Variants in RSPH9 observed in about 807,000 individuals in gnomAD.
RSPH9 encodes radial spoke head component 9.
In RSPH9, 27 loss-of-function variants were observed where a neutral mutation model predicts 27.0. That is an observed-to-expected ratio of 1.00 (90% CI 0.74 to 1.38). The LOEUF (loss-of-function observed/expected upper bound fraction) is 1.38. Ranked by LOEUF, RSPH9 falls within the 40% of genes most tolerant of loss-of-function variation. RSPH9 has a pLI of 0.00. For missense variants in RSPH9, 347 were observed against 357.4 expected (o/e 0.97, Z 0.24); for synonymous variants, 145 against 147.7 (o/e 0.98, Z 0.13).
intron 3 of RSPH9, among the ~76,000 whole-genome samples, chr6:43,656,338 G>T (rs192736422): frequency 4.6e-5 from 7 of 152,094 alleles, no homozygotes; most frequent in Non-Finnish European, 8.8e-5. Flanking sequence ...TGCCTGCCTC[G>T]GCTTCCCAAA....
At chr6:43,656,477 G>T (rs1582386738) in intron 3 of RSPH9, 100 bp from the exon 4 acceptor site, 1 of 1,335,356 alleles carries the variant, frequency 7.5e-7, no homozygotes, top group East Asian at 2.3e-5. Flanking sequence ...TGGTTGACAG[G>T]GTCTTTTGTA....
In RSPH9 at chr6:43,670,735, CAGAG is replaced by C. The variant is rs1297744297; in HGVS notation, c.671-53_671-50del. 13 of 1,539,936 alleles carry C rather than the reference CAGAG, an allele frequency of 8.4e-6. No homozygotes were observed. The East Asian group carries it at 2.9e-4, about 35-fold the overall frequency. On this transcript the variant is annotated intron_variant, in intron 4 of 4. Coordinates refer to ENST00000372163, the MANE Select transcript of RSPH9 (RefSeq NM_152732.5). ...GAGCCAGGGGCCACAGCATGAAGGG[CAGAG>C]CTGTGGCTCCAGCAGCACCAGGCCT...
intron 4 of RSPH9, among the ~76,000 whole-genome samples, chr6:43,661,101 T>C (rs1772563640): frequency 6.6e-6 from 1 of 152,264 alleles, no homozygotes; most frequent in Non-Finnish European, 1.5e-5. Context: ...TCCTTTTCTC[T>C]GAGCAGTAGG....
At chr6:43,670,637 G>A (rs1773619864) in intron 4 of RSPH9, 152 bp from the exon 5 acceptor site, 1 of 637,454 alleles carries the variant, frequency 1.6e-6, no homozygotes, top group African/African-American at 1.8e-5. Flanking sequence ...AAGACAATCA[G>A]GGAGTAAAGC....
At chr6:43,667,594 G>A (rs193252446) in intron 4 of RSPH9, among the ~76,000 whole-genome samples, 222 of 152,342 alleles carry the variant, frequency 1.5e-3, no homozygotes, top group African/African-American at 5.0e-3. Context: ...TTCCTTGGAA[G>A]CCTGGCTGAC....
At chr6:43,649,831 C>T (rs989231187) in intron 1 of RSPH9, among the ~76,000 whole-genome samples, 10 of 152,050 alleles carry the variant, frequency 6.6e-5, no homozygotes, top group Admixed American at 1.3e-4. Context: ...TTTCACAGTC[C>T]GGATATCTAG....
intron 3 of RSPH9, 143 bp downstream of exon 3, chr6:43,655,834 C>A: frequency 4.0e-6 from 4 of 999,764 alleles, no homozygotes; most frequent in Non-Finnish European, 6.0e-6. Flanking sequence ...GGAGGGTGTG[C>A]CCAGTGACCT....
intron 2 of RSPH9, among the ~76,000 whole-genome samples, chr6:43,654,968 G>T (rs2127904587): frequency 6.6e-6 from 1 of 152,262 alleles, no homozygotes; most frequent in Non-Finnish European, 1.5e-5. Context: ...AGCCATGATT[G>T]TGCCACTGCC....
intron 4 of RSPH9, among the ~76,000 whole-genome samples, chr6:43,669,212 GC>G (rs955735578): frequency 6.6e-6 from 1 of 152,228 alleles, no homozygotes; most frequent in Non-Finnish European, 1.5e-5. Context: ...GCTGGAGGGG[GC>G]TGACGTCATC....
At position 43,672,532 on chromosome 6, in the gene RSPH9, C is replaced by A; in HGVS notation, c.*1583C>A. 2.3e-6 allele frequency: 1 copy of A among 431,542 alleles called. No individual in the cohort carries two copies. Among genetic ancestry groups the A allele is most frequent in the South Asian group, 1.6e-5 (1 of 61,526 alleles). 26.7% of individuals were successfully genotyped at this position (431,542 alleles called of 1,614,324 possible). A position where few individuals can be genotyped will look rare whatever the true frequency, so the allele number is the denominator to read the frequency against. The stretch of plus-strand genomic sequence containing the variant: ...GGATGGCCAGGGCCCTGATAGTTCC[C>A]AGAAAAGTGGCTCATGCCGGCTAGG... On this transcript the variant is annotated 3_prime_UTR_variant, in exon 5 of 5. Transcript: ENST00000372163.
intron 4 of RSPH9, among the ~76,000 whole-genome samples, chr6:43,657,286 G>T (rs77230555): frequency 0.037 from 5,684 of 152,334 alleles, 251 homozygotes; most frequent in East Asian, 0.22. Flanking sequence ...TCCTGAGAAT[G>T]AGAGGGATCT....
intron 1 of RSPH9, among the ~76,000 whole-genome samples, chr6:43,646,385 C>T (rs1311398327): frequency 6.6e-6 from 1 of 151,940 alleles, no homozygotes; most frequent in African/African-American, 2.4e-5. Context: ...CCGTCCGCCT[C>T]AGCCTCCCAA....
intron 4 of RSPH9, among the ~76,000 whole-genome samples, chr6:43,658,248 G>A (rs1399196421): frequency 4.5e-5 from 6 of 132,996 alleles, no homozygotes; most frequent in South Asian, 5.0e-4. Context: ...CTGAGATTGC[G>A]CCACTGCACT....
rs70993404 is a variant in RSPH9 at position 43,655,988 on chromosome 6, ACTTCCTTC to A, written c.523+339_523+346del. Among the ~76,000 whole-genome samples, 3,740 of 113,662 alleles carry A rather than the reference ACTTCCTTC, an allele frequency of 0.033. 81 individuals are homozygous for A. The highest frequency in any genetic ancestry group is 0.046 in the Non-Finnish European group (2,543 of 55,266). The allele number at this position is 113,662 out of a possible 152,430, so 74.6% of individuals were successfully genotyped here. A position where few individuals can be genotyped will look rare whatever the true frequency, so the allele number is the denominator to read the frequency against. The stretch of plus-strand genomic sequence containing the variant: ...CTTTTCCTATCTCCTTCCTCCTTGG[ACTTCCTTC>A]CTTCCTTCCTTCCTTCCTTCCTTCC... On this transcript the variant is annotated intron_variant, in intron 3 of 4. Transcript: ENST00000372163.
chr6:43,670,434 T>C (rs1465419152), intron 4 of RSPH9, among the ~76,000 whole-genome samples: 1 of 151,984 alleles, frequency 6.6e-6, no homozygotes, highest in Non-Finnish European at 1.5e-5. Flanking sequence ...AGGCCCCATC[T>C]CTACAAAAAA....
In RSPH9 at chr6:43,656,413, C is replaced by T. The variant is rs73428680; in HGVS notation, c.524-164C>T. 0.013 allele frequency among the ~76,000 whole-genome samples: 1,981 copies of T among 152,132 alleles called. 36 individuals are homozygous for T. The highest frequency in any genetic ancestry group is 0.042 in the African/African-American group (1,727 of 41,508). On this transcript the variant is annotated intron_variant, in intron 3 of 4. Coordinates refer to ENST00000372163, the MANE Select transcript of RSPH9 (RefSeq NM_152732.5). ...ACTCTCTTTGTGGCAGGATCTGGTC[C>T]GAGTTTGGACTGAGGGAATGCTAAT...
In RSPH9 at chr6:43,645,345, G is replaced by A. The variant is rs1365198911; in HGVS notation, c.227+20G>A. 20 of 1,598,062 alleles carry A rather than the reference G, an allele frequency of 1.3e-5. No homozygotes were observed. In the East Asian group the frequency reaches 4.2e-4, roughly 34 times the overall value. Reference sequence around the variant, plus strand: ...CTATAGGTGAGGAGGCCCCCGGGACGGGCTCCCCAGAGGGTGGCTACCTGG... The same window carrying A: ...CTATAGGTGAGGAGGCCCCCGGGACAGGCTCCCCAGAGGGTGGCTACCTGG... On this transcript the variant is annotated intron_variant, in intron 1 of 4. Transcript: ENST00000372163.
At chr6:43,656,844 A>G in intron 4 of RSPH9, 121 bp downstream of exon 4, 1 of 1,182,832 alleles carries the variant, frequency 8.5e-7, no homozygotes, top group South Asian at 1.2e-5. Context: ...GTGGTTCACC[A>G]TGGGTTTTTG....
At chr6:43,658,115 C>A (rs1259206021) in intron 4 of RSPH9, among the ~76,000 whole-genome samples, 1 of 151,940 alleles carries the variant, frequency 6.6e-6, no homozygotes, top group African/African-American at 2.4e-5. Context: ...CATGGCAAAA[C>A]CCCGTCTCTA....
Sources: allele counts gnomAD v4.1 joint callset (sites outside exome capture counted in the v4.1 genomes callset), GRCh38; gene constraint gnomAD v4.1.1; transcripts MANE v1.5; gene names NCBI Gene and HGNC (gene_info 2026-07-23, HGNC 2026-07-21).